CDH9: variants seen among roughly 807,000 people sequenced by gnomAD.
CDH9 encodes the protein cadherin-9.
CDH9 carries 28 observed loss-of-function variants against 70.9 expected under a neutral mutation model. The observed-to-expected ratio is 0.40, with a 90% CI of 0.29 to 0.54. The LOEUF is 0.54. CDH9 is among the 20% of genes least tolerant of loss of function. The pLI is 0.59. For missense variants in CDH9, 874 were observed against 984.4 expected, an observed-to-expected ratio of 0.89 and a Z score of 1.50; for synonymous variants, 409 against 343.1, an observed-to-expected ratio of 1.19 and a Z score of -2.12.
At chr5:27,032,288 T>C (rs984470642) in intron 1 of CDH9, among the ~76,000 whole-genome samples, 2 of 151,630 alleles carry the variant, frequency 1.3e-5, no homozygotes, top group African/African-American at 4.8e-5. Flanking sequence ...AGTGTAATAA[T>C]ATTCTTTATT....
intron 2 of CDH9, among the ~76,000 whole-genome samples, chr5:26,943,908 A>G (rs1358643063): frequency 6.6e-6 from 1 of 152,218 alleles, no homozygotes; most frequent in Non-Finnish European, 1.5e-5. Flanking sequence ...ACATACATTC[A>G]ATAAATTAGA....
At position 26,952,676 on chromosome 5, in the gene CDH9, T is replaced by G. The variant is rs1741872712; in HGVS notation, c.228+35430A>C. Among the ~76,000 whole-genome samples, 8 of 145,430 alleles carry G rather than the reference T, an allele frequency of 5.5e-5. No individual in the cohort carries two copies. The South Asian group carries it at 1.5e-3, about 28-fold the overall frequency. ...AAAAAGAAAGAAAAAAAGAGGTGAT[T>G]GGGTCATGAGGGCTTGGTCCTCATG... On this transcript the variant is annotated intron_variant, in intron 2 of 11. Transcript: ENST00000231021.
chr5:26,971,470 T>C (rs1742217342), intron 2 of CDH9, among the ~76,000 whole-genome samples: 1 of 152,184 alleles, frequency 6.6e-6, no homozygotes, highest in South Asian at 2.1e-4. Context: ...TCTCAATGTA[T>C]AAAATTCACT....
intron 2 of CDH9, among the ~76,000 whole-genome samples, chr5:26,925,020 A>C (rs553819787): frequency 9.9e-5 from 15 of 152,202 alleles, no homozygotes; most frequent in Non-Finnish European, 1.5e-4. Context: ...ATACGTGTGC[A>C]TGTGTCTTTG....
chr5:27,027,884 A>T (rs539533388), intron 1 of CDH9, among the ~76,000 whole-genome samples: 1 of 152,166 alleles, frequency 6.6e-6, no homozygotes, highest in Non-Finnish European at 1.5e-5. Context: ...ACACGTTTCA[A>T]TTTATGAACT....
intron 2 of CDH9, among the ~76,000 whole-genome samples, chr5:26,949,764 T>TA (rs1337803245): frequency 4.6e-5 from 7 of 152,140 alleles, no homozygotes; most frequent in African/African-American, 1.7e-4. Context: ...TTAACACAAA[T>TA]AAGGACATAA....
rs139922452 is a variant in CDH9 at position 26,951,777 on chromosome 5, T to G, written c.229-35853A>C. ...TCTGATTTAACAATAGTTACTCACT[T>G]GTCTTAGCGTAGAAGGAAAGGACAG... On this transcript the variant is annotated intron_variant, in intron 2 of 11. Coordinates refer to ENST00000231021, the MANE Select transcript of CDH9 (RefSeq NM_016279.4). 2.8e-3 allele frequency among the ~76,000 whole-genome samples: 433 copies of G among 152,198 alleles called. 1 individual carries two copies. Among genetic ancestry groups the G allele is most frequent in the Admixed American group, 5.0e-3 (76 of 15,280 alleles).
Position 26,951,302 on chromosome 5 carries a change from A to C in CDH9, c.229-35378T>G, listed in dbSNP as rs1262424059. On this transcript the variant is annotated intron_variant, in intron 2 of 11. Transcript: ENST00000231021. ...GCAAGACTCTGTCTCAAAAAAAAAA[A>C]AAAAAAAAAAAAAAAGGTATGTGCA... is the stretch of plus-strand genomic sequence containing the variant. Among the ~76,000 whole-genome samples the C allele has an allele frequency of 2.7e-5, 4 of 150,468 alleles. 1 individual carries two copies. The highest frequency in any genetic ancestry group is 3.9e-4 in the East Asian group (2 of 5,128).
At chr5:26,988,894 C>G (rs928657525) in intron 1 of CDH9, among the ~76,000 whole-genome samples, 5 of 151,970 alleles carry the variant, frequency 3.3e-5, no homozygotes, top group Non-Finnish European at 5.9e-5. Context: ...AATGTTGCCT[C>G]AAGGCAAATT....
chr5:26,900,592 T>G (rs550665655), intron 7 of CDH9, among the ~76,000 whole-genome samples: 6 of 152,112 alleles, frequency 3.9e-5, no homozygotes, highest in South Asian at 2.1e-4. Context: ...TTTGGTCTCA[T>G]TCAGACTCAA....
intron 1 of CDH9, 146 bp downstream of exon 1, chr5:27,038,317 G>A (rs1214373927): frequency 6.6e-6 from 1 of 151,540 alleles, no homozygotes; most frequent in Non-Finnish European, 1.5e-5. Flanking sequence ...CTACTAAAAT[G>A]TATTCTTATG....
intron 1 of CDH9, among the ~76,000 whole-genome samples, chr5:27,035,096 CTT>C (rs1213722089): frequency 1.3e-5 from 2 of 150,390 alleles, no homozygotes; most frequent in East Asian, 3.9e-4. Flanking sequence ...TCTATCATCT[CTT>C]TATGTATTTT....
chr5:26,893,107 T>C (rs778157776), intron 7 of CDH9, among the ~76,000 whole-genome samples: 3 of 152,192 alleles, frequency 2.0e-5, no homozygotes, highest in Non-Finnish European at 4.4e-5. Context: ...TTGAATTGTT[T>C]ATTAAAGGAC....
intron 1 of CDH9, among the ~76,000 whole-genome samples, chr5:26,998,073 T>C (rs1013666959): frequency 6.6e-6 from 1 of 152,222 alleles, no homozygotes; most frequent in East Asian, 1.9e-4. Context: ...ATATGGAGCA[T>C]GAAATTGGAC....
At position 26,915,677 on chromosome 5, in the gene CDH9, A is replaced by C. The variant is rs763849002; in HGVS notation, c.476T>G (p.Phe159Cys). Residue 159 changes from phenylalanine (F) to cysteine (C), a missense_variant, in exon 3 of 12, where the codon TTT becomes TGT. Transcript: ENST00000231021. Reference protein sequence around the residue: ...IHDINDNEPKFTKDLYTASVP... With the variant: ...IHDINDNEPKCTKDLYTASVP... The stretch of plus-strand genomic sequence containing the variant: ...ACTGGCAGTGTATAAGTCTTTTGTA[A>C]ATTTTGGCTCATTGTCATTGATATC... 6.2e-7 allele frequency: 1 copy of C among 1,609,688 alleles called. No individual in the cohort carries two copies. The highest frequency in any genetic ancestry group is 1.7e-5 in the Admixed American group (1 of 59,980).
intron 2 of CDH9, among the ~76,000 whole-genome samples, chr5:26,984,120 C>T (rs1456626809): frequency 6.6e-6 from 1 of 152,058 alleles, no homozygotes; most frequent in Non-Finnish European, 1.5e-5. Flanking sequence ...TCCCTTTCCA[C>T]TCTAGAATCT....
chr5:27,033,631 A>T (rs1033355678), intron 1 of CDH9, among the ~76,000 whole-genome samples: 11 of 151,230 alleles, frequency 7.3e-5, no homozygotes, highest in African/African-American at 2.2e-4. Context: ...ATTAAAATTT[A>T]AAAAAAACAA....
intron 2 of CDH9, among the ~76,000 whole-genome samples, chr5:26,923,955 C>T (rs1036314621): frequency 6.6e-6 from 1 of 151,786 alleles, no homozygotes; most frequent in African/African-American, 2.4e-5. Context: ...AAAGTAGAAA[C>T]ACTTCAAATA....
intron 2 of CDH9, among the ~76,000 whole-genome samples, chr5:26,971,397 A>G (rs1373797981): frequency 6.6e-6 from 1 of 152,124 alleles, no homozygotes; most frequent in African/African-American, 2.4e-5. Context: ...CACTCTCACT[A>G]TTTCATTCCA....
Sources: allele counts gnomAD v4.1 joint callset (sites outside exome capture counted in the v4.1 genomes callset), GRCh38; gene constraint gnomAD v4.1.1; transcripts MANE v1.5; gene names NCBI Gene and HGNC (gene_info 2026-07-23, HGNC 2026-07-21).